CPLX1: variants seen among roughly 807,000 people sequenced by gnomAD.
CPLX1 encodes complexin 1.
Under a neutral mutation model 15.6 loss-of-function variants are expected in CPLX1, and 6 were observed. The ratio of observed to expected loss-of-function variants is 0.39; its 90% CI spans 0.21 to 0.76. The LOEUF (loss-of-function observed/expected upper bound fraction) is 0.76. Ranked by LOEUF, CPLX1 falls within the 30% of genes least tolerant of loss-of-function variation. The pLI, the probability that CPLX1 is intolerant of heterozygous loss-of-function variation, is 0.43. For missense variants in CPLX1, 242 were observed against 188.6 expected (o/e 1.28, Z -1.66); for synonymous variants, 91 against 75.2 (o/e 1.21, Z -1.08).
Position 800,491 on chromosome 4 carries a change from T to C in CPLX1, c.32-7883A>G, listed in dbSNP as rs546744631. Among the ~76,000 whole-genome samples, 48 of 145,694 alleles carry C rather than the reference T, an allele frequency of 3.3e-4. No homozygotes were observed. The East Asian group carries it at 3.7e-3, about 11-fold the overall frequency. ...CTCTACTAAAAAATATATATATATA[T>C]ACACACACATATACACACACAGACA... On this transcript the variant is annotated intron_variant, in intron 2 of 3. Coordinates refer to ENST00000304062, the MANE Select transcript of CPLX1 (RefSeq NM_006651.4).
At chr4:803,885 G>A (rs1354764505) in intron 2 of CPLX1, among the ~76,000 whole-genome samples, 3 of 152,066 alleles carry the variant, frequency 2.0e-5, no homozygotes, top group East Asian at 3.9e-4. Context: ...TGGCCAAGCT[G>A]TTCTCAAACT....
intron 2 of CPLX1, among the ~76,000 whole-genome samples, chr4:793,349 A>T (rs1252885133): frequency 6.6e-6 from 1 of 151,902 alleles, no homozygotes; most frequent in Non-Finnish European, 1.5e-5. Flanking sequence ...GCTGCAGGGG[A>T]CCGCTTGTTA....
intron 1 of CPLX1, 80 bp from the exon 2 acceptor site, chr4:824,681 C>T (rs768868036): frequency 8.8e-6 from 7 of 799,338 alleles, no homozygotes; most frequent in South Asian, 5.6e-5. Context: ...ATTCCTTACC[C>T]GCAATACCTT....
chr4:791,323 C>G (rs183912110), intron 3 of CPLX1, among the ~76,000 whole-genome samples: 1 of 151,146 alleles, frequency 6.6e-6, no homozygotes, highest in African/African-American at 2.4e-5. Flanking sequence ...TCAGCGGCTT[C>G]TCTGCACCCT....
intron 2 of CPLX1, among the ~76,000 whole-genome samples, chr4:821,298 C>T (rs1746858260): frequency 6.6e-6 from 1 of 152,164 alleles, no homozygotes; most frequent in African/African-American, 2.4e-5. Flanking sequence ...TGAGTCCTGC[C>T]TTGGGCTCTG....
At chr4:818,593 G>A (rs1453853989) in intron 2 of CPLX1, among the ~76,000 whole-genome samples, 3 of 152,380 alleles carry the variant, frequency 2.0e-5, no homozygotes, top group Admixed American at 1.3e-4. Context: ...CATGGCCAAG[G>A]CCCCCCGTCC....
At position 824,761 on chromosome 4, in the gene CPLX1, A is replaced by C. The variant is rs763961041; in HGVS notation, c.-79-160T>G. 4.3e-6 allele frequency: 3 copies of C among 690,016 alleles called. 1 individual carries two copies. In the South Asian group the frequency reaches 4.5e-5, roughly 10 times the overall value. The allele number at this position is 690,016 out of a possible 1,614,324, so 42.7% of individuals were successfully genotyped here. Reference sequence around the variant, plus strand: ...CTTCGTGAGGGGCTTCTGTCCCCACACCCAAACCAGGACCCCAGAGGACCT... The same window carrying C: ...CTTCGTGAGGGGCTTCTGTCCCCACCCCCAAACCAGGACCCCAGAGGACCT... On this transcript the variant is annotated intron_variant, in intron 1 of 3. Transcript: ENST00000304062.
chr4:789,185 G>A (rs755912269), intron 3 of CPLX1, among the ~76,000 whole-genome samples: 2 of 152,194 alleles, frequency 1.3e-5, no homozygotes, highest in Non-Finnish European at 2.9e-5. Flanking sequence ...CCAGAGCCTG[G>A]CTTCCACGTG....
intron 2 of CPLX1, among the ~76,000 whole-genome samples, chr4:802,399 G>A (rs894108736): frequency 5.3e-5 from 8 of 152,216 alleles, no homozygotes; most frequent in African/African-American, 1.9e-4. Context: ...TAACCACGGT[G>A]ATGGTGAAAC....
intron 3 of CPLX1, among the ~76,000 whole-genome samples, chr4:789,719 C>T (rs1017344399): frequency 3.3e-5 from 5 of 152,012 alleles, no homozygotes; most frequent in Non-Finnish European, 7.4e-5. Flanking sequence ...GGTGCAGGCG[C>T]GCTGCTCCTC....
intron 2 of CPLX1, among the ~76,000 whole-genome samples, chr4:795,798 G>C (rs1186726253): frequency 6.7e-6 from 1 of 148,444 alleles, no homozygotes; most frequent in East Asian, 2.0e-4. Context: ...ACCGGGTGGA[G>C]AGGGGGTGGG....
At chr4:802,455 T>C (rs983032126) in intron 2 of CPLX1, among the ~76,000 whole-genome samples, 3 of 152,164 alleles carry the variant, frequency 2.0e-5, no homozygotes, top group South Asian at 2.1e-4. Context: ...TGAAAATAAA[T>C]TGCACCACTA....
At chr4:812,739 C>A (rs970978020) in intron 2 of CPLX1, among the ~76,000 whole-genome samples, 1 of 151,826 alleles carries the variant, frequency 6.6e-6, no homozygotes, top group South Asian at 2.1e-4. Context: ...TGCTGGGCAT[C>A]CTAACGCTGC....
intron 2 of CPLX1, among the ~76,000 whole-genome samples, chr4:801,641 C>T (rs558643293): frequency 2.3e-4 from 35 of 152,346 alleles, no homozygotes; most frequent in African/African-American, 7.9e-4. Context: ...CTACCCCCAA[C>T]AGCCTGGGCG....
chr4:800,714 C>G lies in CPLX1; in HGVS notation c.32-8106G>C, dbSNP rs1185440650. 3.0e-5 allele frequency among the ~76,000 whole-genome samples: 3 copies of G among 99,126 alleles called. No individual in the cohort carries two copies. The Admixed American group carries it at 3.4e-4, about 11-fold the overall frequency. 65.0% of individuals were successfully genotyped at this position (99,126 alleles called of 152,430 possible). ...CCAGCCTGGGCAAAATGGGGAAACC[C>G]CGTCTCTACTAAAAAAAAAAATATA... On this transcript the variant is annotated intron_variant, in intron 2 of 3. Coordinates refer to ENST00000304062, the MANE Select transcript of CPLX1 (RefSeq NM_006651.4).
At position 786,195 on chromosome 4, in the gene CPLX1, G is replaced by C; in HGVS notation, c.*306C>G. On this transcript the variant is annotated 3_prime_UTR_variant, in exon 4 of 4. Transcript: ENST00000304062. ...GAACGCGCGCACAGGGGTGGTCGCGGGGCTGCCCTTCGGCGGCCCTGGCCT... is the reference window on the plus strand; with the variant it reads ...GAACGCGCGCACAGGGGTGGTCGCGCGGCTGCCCTTCGGCGGCCCTGGCCT... 1 of 229,480 alleles carries C rather than the reference G, an allele frequency of 4.4e-6. No homozygotes were observed. Among genetic ancestry groups the C allele is most frequent in the Non-Finnish European group, 8.4e-6 (1 of 118,754 alleles). 14.2% of individuals were successfully genotyped at this position (229,480 alleles called of 1,614,324 possible).
At chr4:795,092 C>T (rs189514052) in intron 2 of CPLX1, among the ~76,000 whole-genome samples, 3 of 152,244 alleles carry the variant, frequency 2.0e-5, no homozygotes, top group Admixed American at 1.3e-4. Flanking sequence ...AGGGACCCGC[C>T]GCGAACCTGG....
intron 2 of CPLX1, among the ~76,000 whole-genome samples, chr4:817,909 T>C (rs1459323873): frequency 2.0e-5 from 3 of 152,000 alleles, no homozygotes; most frequent in Non-Finnish European, 4.4e-5. Flanking sequence ...ATTTTCCCCA[T>C]CCGGTGTCAA....
chr4:786,306 CG>C lies in CPLX1; in HGVS notation c.*194del. The C allele has an allele frequency of 2.2e-6, 1 of 460,596 alleles. No homozygotes were observed. Among genetic ancestry groups the C allele is most frequent in the South Asian group, 4.5e-5 (1 of 22,288 alleles). The allele number at this position is 460,596 out of a possible 1,614,324, so 28.5% of individuals were successfully genotyped here. A position where few individuals can be genotyped will look rare whatever the true frequency, so the allele number is the denominator to read the frequency against. On this transcript the variant is annotated 3_prime_UTR_variant, in exon 4 of 4. Coordinates refer to ENST00000304062, the MANE Select transcript of CPLX1 (RefSeq NM_006651.4). ...CCAGCCACCCGCGGGCAGAGGAGCA[CG>C]GGGCGGACTGGGGGGGTCCTGGGGG... is the stretch of plus-strand genomic sequence containing the variant.
Sources: gnomAD v4.1 joint callset for allele counts (sites outside exome capture counted in the v4.1 genomes callset) on GRCh38, gnomAD v4.1.1 for gene constraint, MANE v1.5 for transcripts, NCBI Gene and HGNC (gene_info 2026-07-23, HGNC 2026-07-21) for gene names.